Variants in DOCK10 observed in about 807,000 individuals in gnomAD.
The protein encoded by DOCK10 is dedicator of cytokinesis 10.
DOCK10 carries 145 observed loss-of-function variants against 280.1 expected under a neutral mutation model. That is an observed-to-expected ratio of 0.52 (90% confidence interval 0.45 to 0.59). The LOEUF (loss-of-function observed/expected upper bound fraction) is 0.59. DOCK10 is among the 20% of genes least tolerant of loss of function. The pLI is 0.00. For synonymous variants in DOCK10, 915 were observed against 942.2 expected (o/e 0.97, Z 0.53); for missense variants, 2,368 against 2,651.7 (o/e 0.89, Z 2.35).
chr2:225,041,404 C>G lies in DOCK10; in HGVS notation c.123+848G>C, dbSNP rs73075767. On this transcript the variant is annotated intron_variant, in intron 1 of 55. Transcript: ENST00000258390. ...TCCACTAGAGTTGATTTGTCTCTTGCCACCTCTCCCCGGCAGTGTGGACCT... is the reference window on the plus strand; with the variant it reads ...TCCACTAGAGTTGATTTGTCTCTTGGCACCTCTCCCCGGCAGTGTGGACCT... Among the ~76,000 whole-genome samples, 778 of 152,300 alleles carry G rather than the reference C, an allele frequency of 5.1e-3. 3 individuals carry two copies. Among genetic ancestry groups the G allele is most frequent in the African/African-American group, 0.018 (753 of 41,550 alleles).
chr2:224,905,397 G>A (rs112300720), intron 3 of DOCK10, among the ~76,000 whole-genome samples: 17,018 of 151,768 alleles, frequency 0.11, 1,030 homozygotes, highest in Non-Finnish European at 0.14. Flanking sequence ...ACAGGCGCCC[G>A]CCACCGCGCC....
intron 1 of DOCK10, among the ~76,000 whole-genome samples, chr2:224,968,057 C>A (rs1174825217): frequency 6.6e-6 from 1 of 152,008 alleles, no homozygotes; most frequent in Non-Finnish European, 1.5e-5. Context: ...GAACTGAGTC[C>A]TCTAAATCTA....
chr2:224,975,557 A>G (rs911379479), intron 1 of DOCK10, among the ~76,000 whole-genome samples: 3 of 152,240 alleles, frequency 2.0e-5, no homozygotes, highest in African/African-American at 7.2e-5. Flanking sequence ...ACATGTTAAC[A>G]TTCTTTGATA....
intron 2 of DOCK10, among the ~76,000 whole-genome samples, chr2:224,920,424 T>C (rs1321950580): frequency 2.0e-5 from 3 of 152,064 alleles, no homozygotes; most frequent in African/African-American, 2.4e-5. Context: ...AAGTTGCTTA[T>C]TTTATGCTAT....
Position 224,865,070 on chromosome 2 carries a change from C to A in DOCK10, c.1275G>T (p.Val425=). 6.2e-7 allele frequency: 1 copy of A among 1,609,980 alleles called. No individual in the cohort carries two copies. Among genetic ancestry groups the A allele is most frequent in the Non-Finnish European group, 8.5e-7 (1 of 1,178,942 alleles). The change falls in exon 12 of 56, where the codon GTG becomes GTT. Residue 425 remains valine, a synonymous_variant. Coordinates refer to ENST00000258390, the MANE Select transcript of DOCK10 (RefSeq NM_014689.3). The part of the protein sequence containing the change: ...DPITNIEPFF[V]SVALYDLRDS... ...CTCTGAGGTCATAAAGTGCCACACT[C>A]ACAAAAAAAGGCTCAATCTGCATGA...
At position 224,804,976 on chromosome 2, in the gene DOCK10, G is replaced by C; in HGVS notation, c.4118+82C>G. ...TATATTATTGATAACTTACTATATG[G>C]GTTCTTGAAATGAAACATGGTATAG... On this transcript the variant is annotated intron_variant, in intron 37 of 55. Coordinates refer to ENST00000258390, the MANE Select transcript of DOCK10 (RefSeq NM_014689.3). 2.3e-6 allele frequency: 3 copies of C among 1,326,912 alleles called. No homozygotes were observed. The South Asian group carries it at 4.3e-5, about 19-fold the overall frequency. 82.2% of individuals were successfully genotyped at this position (1,326,912 alleles called of 1,614,324 possible).
chr2:224,890,317 A>G (rs1200408059), intron 4 of DOCK10, among the ~76,000 whole-genome samples: 3 of 152,226 alleles, frequency 2.0e-5, no homozygotes, highest in Non-Finnish European at 4.4e-5. Context: ...ATAAACAAGG[A>G]GGAGAGAAAG....
chr2:224,856,108 C>T (rs1293111420), intron 15 of DOCK10, among the ~76,000 whole-genome samples: 1 of 152,126 alleles, frequency 6.6e-6, no homozygotes, highest in South Asian at 2.1e-4. Flanking sequence ...AGTAGAAGTC[C>T]GTTGTTTCCT....
chr2:225,034,452 G>A (rs1690169317), intron 1 of DOCK10, among the ~76,000 whole-genome samples: 1 of 152,208 alleles, frequency 6.6e-6, no homozygotes. Context: ...CTGCAGGATT[G>A]CATTTCCAAT....
intron 1 of DOCK10, among the ~76,000 whole-genome samples, chr2:224,979,016 C>G (rs959373480): frequency 6.6e-6 from 1 of 152,172 alleles, no homozygotes; most frequent in Non-Finnish European, 1.5e-5. Context: ...TGAAATCTAT[C>G]CAGAATCTGA....
chr2:224,999,310 A>G (rs1368136758), intron 1 of DOCK10, among the ~76,000 whole-genome samples: 1 of 150,582 alleles, frequency 6.6e-6, no homozygotes, highest in Admixed American at 6.6e-5. Context: ...GGCTTTAAAG[A>G]TCCTCCTGAC....
At position 224,789,937 on chromosome 2, in the gene DOCK10, C is replaced by T. The variant is rs572071556; in HGVS notation, c.5312-767G>A. ...CTGGCATTACAGGTGCCCGCCACCA[C>T]GCCCAGCTAATTTTTGTATTTTTAG... On this transcript the variant is annotated intron_variant, in intron 47 of 55. Transcript: ENST00000258390. 1.4e-4 allele frequency among the ~76,000 whole-genome samples: 22 copies of T among 152,200 alleles called. No individual in the cohort carries two copies. In the South Asian group the frequency reaches 2.5e-3, roughly 17 times the overall value.
intron 1 of DOCK10, among the ~76,000 whole-genome samples, chr2:224,946,576 C>T (rs917441331): frequency 6.6e-6 from 1 of 152,092 alleles, no homozygotes; most frequent in Non-Finnish European, 1.5e-5. Context: ...ATACTAAGAT[C>T]ACCTTAAATT....
At chr2:224,957,419 T>C (rs1245874459) in intron 1 of DOCK10, among the ~76,000 whole-genome samples, 3 of 152,054 alleles carry the variant, frequency 2.0e-5, no homozygotes, top group Non-Finnish European at 4.4e-5. Context: ...GCCTGCTGAG[T>C]AGCTGGGATT....
intron 1 of DOCK10, among the ~76,000 whole-genome samples, chr2:224,943,693 A>G (rs1703222215): frequency 6.6e-6 from 1 of 150,568 alleles, no homozygotes; most frequent in Admixed American, 6.6e-5. Context: ...TCCTTCCCTC[A>G]TCACTATTCA....
chr2:224,787,568 G>A (rs933317449), intron 48 of DOCK10, among the ~76,000 whole-genome samples, 171 bp from the exon 49 acceptor site: 3 of 152,130 alleles, frequency 2.0e-5, no homozygotes. Flanking sequence ...CCGCACTGCC[G>A]TTACCTAATT....
intron 1 of DOCK10, chr2:224,982,523 A>T (rs1705803542): frequency 1.6e-6 from 2 of 1,223,206 alleles, no homozygotes; most frequent in African/African-American, 1.6e-5. Flanking sequence ...ATGGCCAAAT[A>T]GCTTGGATGC....
intron 55 of DOCK10, among the ~76,000 whole-genome samples, chr2:224,766,520 C>T (rs1013645165): frequency 3.9e-5 from 6 of 152,196 alleles, no homozygotes; most frequent in Non-Finnish European, 7.3e-5. Context: ...TCCTATACTA[C>T]CAATAAATTC....
intron 7 of DOCK10, among the ~76,000 whole-genome samples, chr2:224,882,534 G>T (rs1298070586): frequency 6.6e-6 from 1 of 152,080 alleles, no homozygotes; most frequent in Non-Finnish European, 1.5e-5. Flanking sequence ...ATACGTCTAA[G>T]AATTCCAAAG....
Sources: allele counts gnomAD v4.1 joint callset (sites outside exome capture counted in the v4.1 genomes callset), GRCh38; gene constraint gnomAD v4.1.1; transcripts MANE v1.5; gene names NCBI Gene and HGNC (gene_info 2026-07-23, HGNC 2026-07-21).